PXYLP1: variants seen among roughly 807,000 people sequenced by gnomAD.
PXYLP1 encodes the protein acid phosphatase-like 2.
In PXYLP1, 17 loss-of-function variants were observed where a neutral mutation model predicts 37.9. The ratio of observed to expected loss-of-function variants is 0.45; its 90% confidence interval spans 0.31 to 0.67. PXYLP1 has a LOEUF of 0.67. PXYLP1 is among the 30% of genes least tolerant of loss of function. The pLI is 0.07. For synonymous variants in PXYLP1, 221 were observed against 232.2 expected, an observed-to-expected ratio of 0.95 and a Z score of 0.44; for missense variants, 511 against 612.0, an observed-to-expected ratio of 0.84 and a Z score of 1.74.
Position 141,292,868 on chromosome 3 carries a change from A to G in PXYLP1, c.1106A>G (p.Glu369Gly). 6.2e-7 allele frequency: 1 copy of G among 1,614,152 alleles called. No homozygotes were observed. Among genetic ancestry groups the G allele is most frequent in the Non-Finnish European group, 8.5e-7 (1 of 1,180,024 alleles). ...RMQRATEGRK[E>G]ELFALYSAHD... ...CAGCGTGCCACCGAGGGCAGGAAAGAAGAGCTCTTTGCCCTCTACTCTGCT... is the reference window on the plus strand; with the variant it reads ...CAGCGTGCCACCGAGGGCAGGAAAGGAGAGCTCTTTGCCCTCTACTCTGCT... The change falls in exon 6 of 6, where the codon GAA becomes GGA. Residue 369 changes from glutamate (E) to glycine (G), a missense_variant. Glu to Gly is a moderately conservative substitution (Grantham distance 98). Coordinates refer to ENST00000286353, the MANE Select transcript of PXYLP1 (RefSeq NM_001037172.3). The surrounding 1 kb of genome is among the most constrained non-coding windows in gnomAD (Gnocchi z 4.3).
At chr3:141,260,958 G>C (rs1941381101) in intron 2 of PXYLP1, among the ~76,000 whole-genome samples, 3 of 152,196 alleles carry the variant, frequency 2.0e-5, no homozygotes, top group Admixed American at 6.5e-5. Flanking sequence ...CTGCTTCTGT[G>C]CTCAGATCCT....
rs56047678 is a variant in PXYLP1 at position 141,293,593 on chromosome 3, G to A, written c.*388G>A. ...TTTTAATCTTAGACATTTTTACCTT[G>A]TCCTTGTTAAGAATTTCTTGAAGTG... is the stretch of plus-strand genomic sequence containing the variant. On this transcript the variant is annotated 3_prime_UTR_variant, in exon 6 of 6. Coordinates refer to ENST00000286353, the MANE Select transcript of PXYLP1 (RefSeq NM_001037172.3). 0.15 allele frequency: 25,706 copies of A among 174,668 alleles called. 2,624 individuals are homozygous for A. The highest frequency in any genetic ancestry group is 0.2 in the Non-Finnish European group (16,225 of 81,546). The allele number at this position is 174,668 out of a possible 1,614,324, so 10.8% of individuals were successfully genotyped here. A position where few individuals can be genotyped will look rare whatever the true frequency, so the allele number is the denominator to read the frequency against.
At chr3:141,266,699 A>T (rs182220504) in intron 2 of PXYLP1, among the ~76,000 whole-genome samples, 1 of 94,042 alleles carries the variant, frequency 1.1e-5, no homozygotes, top group Non-Finnish European at 2.1e-5. Flanking sequence ...TGAGGGGGAG[A>T]GAGGGAGAGA....
At chr3:141,278,280 G>T in intron 2 of PXYLP1, 62 bp from the exon 3 acceptor site, 1 of 1,590,870 alleles carries the variant, frequency 6.3e-7, no homozygotes, top group South Asian at 1.1e-5. Flanking sequence ...CCTGCGCTGG[G>T]CCTTGCAGCT....
At chr3:141,287,587 G>T in intron 5 of PXYLP1, 134 bp downstream of exon 5, 1 of 930,896 alleles carries the variant, frequency 1.1e-6, no homozygotes, top group East Asian at 2.9e-5. Context: ...CAAGGAGCTC[G>T]GTCACCAGGG....
chr3:141,241,915 C>T (rs1025185024), intron 1 of PXYLP1, among the ~76,000 whole-genome samples: 38 of 152,302 alleles, frequency 2.5e-4, no homozygotes, highest in African/African-American at 8.9e-4. Context: ...TGCCCTGTCC[C>T]TCTGTGTCTG....
At chr3:141,264,679 G>T (rs768476579) in intron 2 of PXYLP1, among the ~76,000 whole-genome samples, 4 of 152,184 alleles carry the variant, frequency 2.6e-5, no homozygotes, top group Non-Finnish European at 5.9e-5. Context: ...GCACAGTGGG[G>T]TCAGAAAGAA....
chr3:141,268,206 A>AGAGTGT (rs1325105026), intron 2 of PXYLP1, among the ~76,000 whole-genome samples: 4 of 51,304 alleles, frequency 7.8e-5, no homozygotes, highest in Non-Finnish European at 2.1e-4. Context: ...AGAGAGAGAG[A>AGAGTGT]GTGTGTGTGT....
intron 1 of PXYLP1, among the ~76,000 whole-genome samples, chr3:141,239,277 G>A (rs1392723242): frequency 6.6e-6 from 1 of 152,152 alleles, no homozygotes; most frequent in Non-Finnish European, 1.5e-5. Flanking sequence ...GTCTGTCTCC[G>A]TTGCAGTCCC....
At chr3:141,250,020 A>T (rs1941106546) in intron 1 of PXYLP1, among the ~76,000 whole-genome samples, 1 of 152,272 alleles carries the variant, frequency 6.6e-6, no homozygotes, top group African/African-American at 2.4e-5. Flanking sequence ...AGGAAAAAAA[A>T]AAGTTTACTA....
chr3:141,260,241 C>A lies in PXYLP1; in HGVS notation c.66C>A (p.Leu22=), dbSNP rs1379411189. ...ALAALLAFVS[L]SLQFFHLIPV... ...CTGCGCTGCTGGCCTTTGTGAGCCTCAGCCTGCAGTTCTGTGAGTAGAGCC... is the reference window on the plus strand; with the variant it reads ...CTGCGCTGCTGGCCTTTGTGAGCCTAAGCCTGCAGTTCTGTGAGTAGAGCC... Residue 22 remains leucine, a synonymous_variant, in exon 2 of 6, where the codon CTC becomes CTA. Coordinates refer to ENST00000286353, the MANE Select transcript of PXYLP1 (RefSeq NM_001037172.3). 6.2e-7 allele frequency: 1 copy of A among 1,613,184 alleles called. No individual in the cohort carries two copies. The highest frequency in any genetic ancestry group is 8.5e-7 in the Non-Finnish European group (1 of 1,180,038).
rs757036679 is a variant in PXYLP1 at position 141,278,464 on chromosome 3, T to C, written c.202T>C (p.Cys68Arg). ...CCCCGTTTATGAAGCTCTTTTGTAC[T>C]GCAACATCCCCAGCGTGGCCGAGCG... is the stretch of plus-strand genomic sequence containing the variant. ...TDPVYEALLY[C>R]NIPSVAERSM... The change falls in exon 3 of 6, where the codon TGC becomes CGC. Residue 68 changes from cysteine (C) to arginine (R), a missense_variant. Coordinates refer to ENST00000286353, the MANE Select transcript of PXYLP1 (RefSeq NM_001037172.3). 1.9e-6 allele frequency: 3 copies of C among 1,614,226 alleles called. No individual in the cohort carries two copies. The highest frequency in any genetic ancestry group is 1.7e-6 in the Non-Finnish European group (2 of 1,180,032).
At chr3:141,275,140 A>G (rs1941762094) in intron 2 of PXYLP1, among the ~76,000 whole-genome samples, 1 of 152,180 alleles carries the variant, frequency 6.6e-6, no homozygotes, top group Admixed American at 6.5e-5. Context: ...GTGATCTCAC[A>G]CTCTGAACTA....
Position 141,293,139 on chromosome 3 carries a change from C to T in PXYLP1, c.1377C>T (p.Asp459=), listed in dbSNP as rs1162247815. 6.2e-7 allele frequency: 1 copy of T among 1,614,128 alleles called. No homozygotes were observed. The highest frequency in any genetic ancestry group is 1.1e-5 in the South Asian group (1 of 91,082). Residue 459 remains aspartate, a synonymous_variant, in exon 6 of 6, where the codon GAC becomes GAT. Coordinates refer to ENST00000286353, the MANE Select transcript of PXYLP1 (RefSeq NM_001037172.3). The stretch of plus-strand genomic sequence containing the variant: ...ACTTGGTCCGCTTTGTGAAAAGGGA[C>T]ATGTTTGTAGCCCTGGGTGGCAGTG... ...LENLVRFVKR[D]MFVALGGSGT... is the part of the protein sequence containing the mutation.
At chr3:141,242,683 G>A (rs555395233) in intron 1 of PXYLP1, among the ~76,000 whole-genome samples, 3 of 152,264 alleles carry the variant, frequency 2.0e-5, no homozygotes, top group South Asian at 4.1e-4. Context: ...TGTAGACAGA[G>A]ACTGAATAGT....
chr3:141,286,492 T>A (rs990270272), intron 4 of PXYLP1, among the ~76,000 whole-genome samples: 1 of 152,068 alleles, frequency 6.6e-6, no homozygotes, highest in Non-Finnish European at 1.5e-5. Context: ...TGATAAAGGA[T>A]AGGGTAGATT....
intron 1 of PXYLP1, among the ~76,000 whole-genome samples, chr3:141,251,059 C>T (rs977339040): frequency 1.3e-5 from 2 of 152,226 alleles, no homozygotes; most frequent in African/African-American, 2.4e-5. Flanking sequence ...TGCACTTACT[C>T]ATTACACCTC....
intron 1 of PXYLP1, among the ~76,000 whole-genome samples, chr3:141,238,133 T>A (rs1283580802): frequency 6.6e-6 from 1 of 152,240 alleles, no homozygotes; most frequent in Non-Finnish European, 1.5e-5. Context: ...ATGGCACAGC[T>A]GCTCCTGAGA....
At chr3:141,268,206 AGT>A (rs112453738) in intron 2 of PXYLP1, among the ~76,000 whole-genome samples, 2,683 of 50,582 alleles carry the variant, frequency 0.053, 19 homozygotes, top group Non-Finnish European at 0.11. Flanking sequence ...AGAGAGAGAG[AGT>A]GTGTGTGTGT....
Sources: allele counts gnomAD v4.1 joint callset (sites outside exome capture counted in the v4.1 genomes callset), GRCh38; gene constraint gnomAD v4.1.1; non-coding constraint Gnocchi (gnomAD v3.1); transcripts MANE v1.5; gene names NCBI Gene and HGNC (gene_info 2026-07-23, HGNC 2026-07-21).